EDIL3: variants seen among roughly 807,000 people sequenced by gnomAD.
EDIL3 encodes EGF like and discoidin domains 3, also known as EGF-like repeat and discoidin I-like domain-containing protein 3.
Under a neutral mutation model 67.4 loss-of-function variants are expected in EDIL3, and 37 were observed. The ratio of observed to expected loss-of-function variants is 0.55; its 90% CI spans 0.42 to 0.72. The LOEUF is 0.72. Ranked by LOEUF, EDIL3 falls within the 30% of genes least tolerant of loss-of-function variation. The pLI, the probability that EDIL3 is intolerant of heterozygous loss-of-function variation, is 0.00. For synonymous variants in EDIL3, 195 were observed against 196.3 expected (o/e 0.99, Z 0.05); for missense variants, 527 against 586.3 (o/e 0.90, Z 1.04).
chr5:83,969,121 T>C lies in EDIL3; in HGVS notation c.1138-5761A>G, dbSNP rs552871501. Among the ~76,000 whole-genome samples, 5 of 151,918 alleles carry C rather than the reference T, an allele frequency of 3.3e-5. No individual in the cohort carries two copies. In the East Asian group the frequency reaches 9.7e-4, roughly 29 times the overall value. On this transcript the variant is annotated intron_variant, in intron 9 of 10. Coordinates refer to ENST00000296591, the MANE Select transcript of EDIL3 (RefSeq NM_005711.5). ...AATTAGTTTACTCTTTATTTCTTAA[T>C]ATTTCAATAGTAATTATGTTATTAA... is the stretch of plus-strand genomic sequence containing the variant.
chr5:84,084,755 G>A (rs1298772588), intron 6 of EDIL3, among the ~76,000 whole-genome samples: 2 of 152,104 alleles, frequency 1.3e-5, no homozygotes, highest in African/African-American at 4.8e-5. Context: ...AAGAAAAGAC[G>A]CATAAACAAC....
intron 1 of EDIL3, among the ~76,000 whole-genome samples, chr5:84,286,359 A>G (rs951995721): frequency 6.6e-6 from 1 of 152,150 alleles, no homozygotes; most frequent in Non-Finnish European, 1.5e-5. Context: ...CACGTGAAAG[A>G]GCAGAAGATT....
At position 83,963,158 on chromosome 5, in the gene EDIL3, T is replaced by A. The variant is rs1744632888; in HGVS notation, c.1293+47A>T. On this transcript the variant is annotated intron_variant, in intron 10 of 10. Transcript: ENST00000296591. The stretch of plus-strand genomic sequence containing the variant: ...TTAATTCAATCAAACTTGGGTGTAA[T>A]TTGATCCTCCACTTCTGAACTTTAT... 3.2e-6 allele frequency: 5 copies of A among 1,548,420 alleles called. No individual in the cohort carries two copies. In the East Asian group the frequency reaches 1.1e-4, roughly 36 times the overall value.
Position 84,141,340 on chromosome 5 carries a change from C to T in EDIL3, c.356-3986G>A, listed in dbSNP as rs549605765. On this transcript the variant is annotated intron_variant, in intron 4 of 10. Coordinates refer to ENST00000296591, the MANE Select transcript of EDIL3 (RefSeq NM_005711.5). The stretch of plus-strand genomic sequence containing the variant: ...TGAGTCCTGAAGTTATAAAACTTTG[C>T]TGCCAACCTTCTTGTGTCACTGAGG... Among the ~76,000 whole-genome samples the T allele has an allele frequency of 3.7e-4, 55 of 150,508 alleles. No individual in the cohort carries two copies. The East Asian group carries it at 0.01, about 28-fold the overall frequency.
intron 3 of EDIL3, among the ~76,000 whole-genome samples, chr5:84,207,168 T>A (rs1293904881): frequency 6.6e-6 from 1 of 152,172 alleles, no homozygotes; most frequent in Non-Finnish European, 1.5e-5. Context: ...GCCCAAAATC[T>A]CCTTAAGCTG....
chr5:84,084,303 T>C (rs934430257), intron 6 of EDIL3, among the ~76,000 whole-genome samples: 2 of 152,180 alleles, frequency 1.3e-5, no homozygotes, highest in Non-Finnish European at 2.9e-5. Flanking sequence ...TAATCTGATC[T>C]AACGTTTTCT....
chr5:84,151,446 G>A (rs1455567386), intron 4 of EDIL3, among the ~76,000 whole-genome samples: 1 of 152,162 alleles, frequency 6.6e-6, no homozygotes, highest in Non-Finnish European at 1.5e-5. Flanking sequence ...TCTTATGGGA[G>A]AGACTGAGTA....
intron 1 of EDIL3, among the ~76,000 whole-genome samples, chr5:84,336,448 A>G (rs557501976): frequency 1.3e-5 from 2 of 152,268 alleles, no homozygotes; most frequent in Non-Finnish European, 1.5e-5. Flanking sequence ...CAGTATGGAG[A>G]ATGGATTAGA....
At chr5:83,983,068 T>A (rs1265873336) in intron 9 of EDIL3, among the ~76,000 whole-genome samples, 2 of 152,162 alleles carry the variant, frequency 1.3e-5, no homozygotes, top group Admixed American at 6.6e-5. Context: ...TTTGCTCGAG[T>A]GAAAAGCCTT....
intron 1 of EDIL3, among the ~76,000 whole-genome samples, chr5:84,357,196 A>G (rs1747505631): frequency 6.6e-6 from 1 of 151,986 alleles, no homozygotes; most frequent in Non-Finnish European, 1.5e-5. Context: ...AAATGTTTGG[A>G]TTACAGGCAT....
chr5:83,950,471 CA>C (rs1744397441), intron 10 of EDIL3, among the ~76,000 whole-genome samples: 1 of 151,834 alleles, frequency 6.6e-6, no homozygotes, highest in African/African-American at 2.4e-5. Flanking sequence ...ACAACTTCCC[CA>C]ACATCATGCG....
intron 9 of EDIL3, among the ~76,000 whole-genome samples, chr5:83,971,983 A>G (rs1744800714): frequency 6.6e-6 from 1 of 152,060 alleles, no homozygotes; most frequent in Non-Finnish European, 1.5e-5. Flanking sequence ...CTGAACATCC[A>G]TTGTTTATTT....
intron 1 of EDIL3, among the ~76,000 whole-genome samples, chr5:84,380,198 A>C (rs1748045817): frequency 6.6e-6 from 1 of 152,082 alleles, no homozygotes; most frequent in Non-Finnish European, 1.5e-5. Flanking sequence ...TACATGGACT[A>C]TGATAAAAAT....
intron 1 of EDIL3, among the ~76,000 whole-genome samples, chr5:84,331,073 T>G (rs1746861601): frequency 6.6e-6 from 1 of 152,214 alleles, no homozygotes; most frequent in African/African-American, 2.4e-5. Context: ...TTTTGGCCAA[T>G]TTCTCCTATT....
intron 9 of EDIL3, among the ~76,000 whole-genome samples, chr5:83,978,811 C>A (rs1317880937): frequency 6.6e-6 from 1 of 151,882 alleles, no homozygotes; most frequent in Non-Finnish European, 1.5e-5. Context: ...TCACAGTATC[C>A]CAAATTAAAT....
intron 9 of EDIL3, among the ~76,000 whole-genome samples, chr5:84,023,115 G>A (rs1745748200): frequency 6.6e-6 from 1 of 151,932 alleles, no homozygotes; most frequent in Non-Finnish European, 1.5e-5. Context: ...AAGTTCTGGG[G>A]AGCTAACGTA....
At chr5:84,087,540 A>G (rs1467585770) in intron 6 of EDIL3, among the ~76,000 whole-genome samples, 1 of 152,240 alleles carries the variant, frequency 6.6e-6, no homozygotes, top group Non-Finnish European at 1.5e-5. Context: ...CAAATAAAAA[A>G]TATTCTCAGT....
intron 9 of EDIL3, among the ~76,000 whole-genome samples, chr5:83,965,941 A>G (rs2112132491): frequency 6.6e-6 from 1 of 152,076 alleles, no homozygotes; most frequent in Middle Eastern, 3.4e-3. Flanking sequence ...AGCAACTCAC[A>G]CTGAACATGA....
chr5:84,337,677 C>G (rs1490019560), intron 1 of EDIL3, among the ~76,000 whole-genome samples: 1 of 152,040 alleles, frequency 6.6e-6, no homozygotes, highest in East Asian at 1.9e-4. Flanking sequence ...AAATTTATGA[C>G]TAAATGACTA....
Sources: allele counts gnomAD v4.1 joint callset (sites outside exome capture counted in the v4.1 genomes callset), GRCh38; gene constraint gnomAD v4.1.1; transcripts MANE v1.5; gene names NCBI Gene and HGNC (gene_info 2026-07-23, HGNC 2026-07-21).